ADAMTS3: variants seen among roughly 807,000 people sequenced by gnomAD.
ADAMTS3 encodes A disintegrin and metalloproteinase with thrombospondin motifs 3.
A neutral mutation model predicts 129.0 loss-of-function variants in ADAMTS3; 73 were observed. The observed-to-expected ratio is 0.57, with a 90% CI of 0.47 to 0.69. The LOEUF (loss-of-function observed/expected upper bound fraction) is 0.69, where lower values mean the gene tolerates loss of function less well. Ranked by LOEUF, ADAMTS3 falls within the 30% of genes least tolerant of loss-of-function variation. The pLI is 0.00. For synonymous variants in ADAMTS3, 477 were observed against 510.8 expected (o/e 0.93, Z 0.89); for missense variants, 1,457 against 1,514.5 (o/e 0.96, Z 0.63).
chr4:72,317,471 T>G (rs1323523270), intron 10 of ADAMTS3, among the ~76,000 whole-genome samples: 1 of 67,972 alleles, frequency 1.5e-5, no homozygotes, highest in Non-Finnish European at 2.4e-5. Flanking sequence ...AAGGCCTTCT[T>G]TTTTTTTTTT....
chr4:72,290,743 C>T (rs1341192911), intron 20 of ADAMTS3, 112 bp downstream of exon 20: 1 of 1,132,632 alleles, frequency 8.8e-7, no homozygotes, highest in Non-Finnish European at 1.3e-6. Context: ...ACAAAATATG[C>T]AGTAGTTTCT....
intron 3 of ADAMTS3, among the ~76,000 whole-genome samples, chr4:72,499,338 T>C (rs181441294): frequency 3.3e-5 from 5 of 152,240 alleles, no homozygotes; most frequent in African/African-American, 1.2e-4. Context: ...TTATAGTAAA[T>C]CAAGTCCTGG....
In ADAMTS3 at chr4:72,486,540, G is replaced by A. The variant is rs962653525; in HGVS notation, c.504+61938C>T. 2.6e-5 allele frequency among the ~76,000 whole-genome samples: 4 copies of A among 152,058 alleles called. No homozygotes were observed. In the South Asian group the frequency reaches 8.3e-4, roughly 32 times the overall value. ...GCCCTCCGTCATTAATAAATCCAGG[G>A]CTTTGGATGGATTCTATTTTTAGAG... On this transcript the variant is annotated intron_variant, in intron 3 of 21. Coordinates refer to ENST00000286657, the MANE Select transcript of ADAMTS3 (RefSeq NM_014243.3).
intron 4 of ADAMTS3, among the ~76,000 whole-genome samples, chr4:72,376,558 C>T (rs533359665): frequency 6.6e-6 from 1 of 152,126 alleles, no homozygotes. Flanking sequence ...TTTGAAGCAC[C>T]TGGGGAGCTT....
chr4:72,488,595 C>T (rs1424350980), intron 3 of ADAMTS3, among the ~76,000 whole-genome samples: 2 of 151,914 alleles, frequency 1.3e-5, no homozygotes. Flanking sequence ...AGTTGATTCA[C>T]ATTTTAGGCA....
At chr4:72,429,859 G>A (rs1722655430) in intron 3 of ADAMTS3, among the ~76,000 whole-genome samples, 1 of 151,922 alleles carries the variant, frequency 6.6e-6, no homozygotes, top group Non-Finnish European at 1.5e-5. Context: ...CCATATCATG[G>A]TCAACATCTC....
intron 15 of ADAMTS3, 65 bp from the exon 16 acceptor site, chr4:72,306,132 T>C (rs543321868): frequency 1.6e-6 from 2 of 1,245,682 alleles, no homozygotes; most frequent in Admixed American, 2.3e-5. Context: ...CCATGGTTAG[T>C]TGAGCACTAC....
At chr4:72,513,920 C>A (rs374311717) in intron 3 of ADAMTS3, among the ~76,000 whole-genome samples, 2 of 152,002 alleles carry the variant, frequency 1.3e-5, no homozygotes, top group African/African-American at 4.8e-5. Context: ...TATTTATAAG[C>A]GAGAATATGC....
At chr4:72,366,269 G>A (rs1720865228) in intron 4 of ADAMTS3, among the ~76,000 whole-genome samples, 2 of 152,178 alleles carry the variant, frequency 1.3e-5, no homozygotes, top group African/African-American at 4.8e-5. Flanking sequence ...TTGAGTACTA[G>A]CATTCTTGAA....
At chr4:72,367,996 G>A (rs897396547) in intron 4 of ADAMTS3, among the ~76,000 whole-genome samples, 5 of 152,084 alleles carry the variant, frequency 3.3e-5, no homozygotes, top group African/African-American at 1.2e-4. Flanking sequence ...TACGCACTGT[G>A]ACATATTTAG....
At chr4:72,325,028 A>T (rs1249157008) in intron 5 of ADAMTS3, among the ~76,000 whole-genome samples, 1 of 152,094 alleles carries the variant, frequency 6.6e-6, no homozygotes, top group African/African-American at 2.4e-5. Context: ...GAATTAAGAG[A>T]GTTAACTCAT....
intron 3 of ADAMTS3, among the ~76,000 whole-genome samples, chr4:72,479,276 C>G (rs568247248): frequency 1.3e-5 from 2 of 152,280 alleles, no homozygotes; most frequent in South Asian, 2.1e-4. Flanking sequence ...AGGCATCACA[C>G]TACCTGACTT....
At chr4:72,541,092 A>T (rs1293830914) in intron 3 of ADAMTS3, among the ~76,000 whole-genome samples, 4 of 152,192 alleles carry the variant, frequency 2.6e-5, no homozygotes, top group Non-Finnish European at 5.9e-5. Flanking sequence ...TCAGCCCATG[A>T]TAGCAGCTAG....
chr4:72,456,344 A>C, intron 3 of ADAMTS3, among the ~76,000 whole-genome samples: 1 of 20,944 alleles, frequency 4.8e-5, no homozygotes, highest in Non-Finnish European at 1.0e-4. Flanking sequence ...TACTGTATAT[A>C]CTATATATAG....
chr4:72,410,100 C>T (rs2109920071), intron 4 of ADAMTS3, among the ~76,000 whole-genome samples: 1 of 152,230 alleles, frequency 6.6e-6, no homozygotes, highest in African/African-American at 2.4e-5. Flanking sequence ...CAATGATTCT[C>T]TTTGATTAGG....
At chr4:72,411,945 T>G (rs896693463) in intron 4 of ADAMTS3, among the ~76,000 whole-genome samples, 1 of 152,098 alleles carries the variant, frequency 6.6e-6, no homozygotes, top group Admixed American at 6.6e-5. Context: ...GTTCAGGTCC[T>G]AATAGATTTT....
At chr4:72,366,298 AC>A (rs1051010362) in intron 4 of ADAMTS3, among the ~76,000 whole-genome samples, 6 of 152,160 alleles carry the variant, frequency 3.9e-5, no homozygotes, top group African/African-American at 7.2e-5. Context: ...ATCCCACCAA[AC>A]TTCTGCCTTC....
At chr4:72,530,790 T>A (rs1275471229) in intron 3 of ADAMTS3, among the ~76,000 whole-genome samples, 1 of 91,634 alleles carries the variant, frequency 1.1e-5, no homozygotes, top group Admixed American at 1.7e-4. Flanking sequence ...TATTATACAT[T>A]ATATATTATA....
intron 4 of ADAMTS3, among the ~76,000 whole-genome samples, chr4:72,385,456 G>A (rs1369088): frequency 0.98 from 149,042 of 152,174 alleles, 73,049 homozygotes; most frequent in Non-Finnish European, 1. Context: ...CAAACAGACA[G>A]TAAACTGTGA....
Sources: gnomAD v4.1 joint callset for allele counts (sites outside exome capture counted in the v4.1 genomes callset) on GRCh38, gnomAD v4.1.1 for gene constraint, MANE v1.5 for transcripts, NCBI Gene and HGNC (gene_info 2026-07-23, HGNC 2026-07-21) for gene names.